The following TPO variants were observed in gnomAD, a reference collection of about 807,000 sequenced individuals.
TPO encodes the protein thyroid microsomal antigen.
In TPO, 78 loss-of-function variants were observed where a neutral mutation model predicts 96.9. The ratio of observed to expected loss-of-function variants is 0.81; its 90% confidence interval spans 0.67 to 0.97. The LOEUF (loss-of-function observed/expected upper bound fraction) is 0.97. Ranked by LOEUF, TPO falls within the 50% of genes least tolerant of loss-of-function variation. The probability of loss-of-function intolerance (pLI) is 0.00; values close to 1 mark genes in which losing one functional copy is unlikely to be tolerated. For synonymous variants in TPO, 547 were observed against 538.0 expected (o/e 1.02, Z -0.23); for missense variants, 1,252 against 1,274.8 (o/e 0.98, Z 0.27).
At chr2:1,512,664 C>T (rs543844189) in intron 14 of TPO, among the ~76,000 whole-genome samples, 1 of 152,216 alleles carries the variant, frequency 6.6e-6, no homozygotes, top group Non-Finnish European at 1.5e-5. Context: ...CGACAGCTGC[C>T]GTGTACCTCC....
intron 5 of TPO, among the ~76,000 whole-genome samples, chr2:1,445,590 G>C (rs1410292239): frequency 4.1e-5 from 6 of 145,752 alleles, no homozygotes; most frequent in Non-Finnish European, 9.0e-5. Flanking sequence ...TTGTTTGTAT[G>C]ATCCAGTCAT....
intron 14 of TPO, among the ~76,000 whole-genome samples, chr2:1,513,099 C>A (rs954309844): frequency 7.2e-5 from 11 of 152,200 alleles, no homozygotes; most frequent in African/African-American, 2.2e-4. Flanking sequence ...AGCAGGCCAG[C>A]AGGACCCAGC....
chr2:1,475,645 G>C (rs578116948), intron 7 of TPO, among the ~76,000 whole-genome samples: 2 of 152,118 alleles, frequency 1.3e-5, no homozygotes, highest in Non-Finnish European at 2.9e-5. Flanking sequence ...GGATGGTCTC[G>C]ATCTCCTGAC....
chr2:1,476,159 A>G (rs1237459335), intron 7 of TPO, among the ~76,000 whole-genome samples: 1 of 152,202 alleles, frequency 6.6e-6, no homozygotes, highest in African/African-American at 2.4e-5. Flanking sequence ...TTCACTGGTA[A>G]TAATAATGTC....
At chr2:1,501,322 C>A (rs111994394) in intron 13 of TPO, among the ~76,000 whole-genome samples, 4,761 of 152,308 alleles carry the variant, frequency 0.031, 89 homozygotes, top group Non-Finnish European at 0.048. Context: ...AGAGCCTCGG[C>A]CTCCATGCAG....
chr2:1,399,752 T>G (rs1324840664), intron 1 of TPO, among the ~76,000 whole-genome samples: 1 of 152,218 alleles, frequency 6.6e-6, no homozygotes, highest in Non-Finnish European at 1.5e-5. Context: ...GTGGCCTCAA[T>G]CTGCCTTCCT....
chr2:1,424,437 C>A (rs1664111792), intron 3 of TPO, among the ~76,000 whole-genome samples: 1 of 152,162 alleles, frequency 6.6e-6, no homozygotes, highest in Admixed American at 6.5e-5. Flanking sequence ...CCTGACCCAG[C>A]TTTTCAGGCT....
chr2:1,489,386 TCTC>T (rs924820201), intron 10 of TPO, among the ~76,000 whole-genome samples: 24 of 152,302 alleles, frequency 1.6e-4, no homozygotes, highest in African/African-American at 4.6e-4. Context: ...CACAGCTTGA[TCTC>T]CTCATGTTCC....
intron 8 of TPO, among the ~76,000 whole-genome samples, chr2:1,482,549 G>A (rs1670748134): frequency 1.3e-5 from 2 of 152,214 alleles, no homozygotes; most frequent in South Asian, 4.1e-4. Flanking sequence ...CTCACAGTAT[G>A]GCGTCTGCCC....
intron 7 of TPO, among the ~76,000 whole-genome samples, chr2:1,459,450 A>T (rs1668202375): frequency 6.6e-6 from 1 of 152,108 alleles, no homozygotes; most frequent in Non-Finnish European, 1.5e-5. Context: ...GTGCTCAGCC[A>T]ACAAGGGACA....
At chr2:1,414,557 T>C in intron 2 of TPO, 55 bp downstream of exon 2, 2 of 1,531,502 alleles carry the variant, frequency 1.3e-6, no homozygotes, top group Middle Eastern at 1.7e-4. Context: ...TTTTCACACT[T>C]ACTAAAATAG....
rs1195213726 is a variant in TPO, at chr2:1,524,428, ACCC to A, written c.2618+7451_2618+7453del. 2.3e-4 allele frequency among the ~76,000 whole-genome samples: 5 copies of A among 22,076 alleles called. No homozygotes were observed. The Admixed American group carries it at 3.3e-3, about 15-fold the overall frequency. 14.5% of individuals were successfully genotyped at this position (22,076 alleles called of 152,430 possible). ...CCAACTTTCCCTCCCATTGTGTGCA[ACCC>A]CCCCAAATCCCCCCACTGTGTGCAA... On this transcript the variant is annotated intron_variant, in intron 15 of 16. Coordinates refer to ENST00000329066, the MANE Select transcript of TPO (RefSeq NM_001206744.2).
chr2:1,456,337 C>A (rs185037781), intron 7 of TPO, 55 bp downstream of exon 7: 2 of 1,568,450 alleles, frequency 1.3e-6, no homozygotes, highest in African/African-American at 1.4e-5. Flanking sequence ...CTATTTAAAA[C>A]GTCAAACAGA....
At chr2:1,512,866 A>G (rs1453388298) in intron 14 of TPO, among the ~76,000 whole-genome samples, 9 of 152,130 alleles carry the variant, frequency 5.9e-5, no homozygotes, top group Non-Finnish European at 1.5e-5. Flanking sequence ...TGCTTCCCCC[A>G]CCACCAGCAC....
intron 1 of TPO, among the ~76,000 whole-genome samples, chr2:1,376,547 G>A (rs555203738): frequency 1.1e-4 from 16 of 152,252 alleles, no homozygotes; most frequent in African/African-American, 2.9e-4. Flanking sequence ...GAGCACCAGC[G>A]TGGGGCTGAG....
intron 7 of TPO, among the ~76,000 whole-genome samples, chr2:1,475,969 G>GCGCC (rs1553314640): frequency 9.5e-6 from 1 of 105,370 alleles, no homozygotes; most frequent in African/African-American, 3.4e-5. Flanking sequence ...TGCACCTCCT[G>GCGCC]TGCCTGGGTC....
At chr2:1,446,812 T>G (rs986223523) in intron 5 of TPO, among the ~76,000 whole-genome samples, 1 of 152,218 alleles carries the variant, frequency 6.6e-6, no homozygotes, top group African/African-American at 2.4e-5. Flanking sequence ...ATTACTTATT[T>G]CATGGAAAGA....
At chr2:1,541,138 T>G (rs753565032) in intron 16 of TPO, 2 of 1,184,270 alleles carry the variant, frequency 1.7e-6, no homozygotes, top group African/African-American at 1.6e-5. Flanking sequence ...TTACCTTGTA[T>G]GCAGAACCCC....
At chr2:1,406,359 C>T (rs1352991188) in intron 1 of TPO, among the ~76,000 whole-genome samples, 1 of 152,188 alleles carries the variant, frequency 6.6e-6, no homozygotes, top group Non-Finnish European at 1.5e-5. Flanking sequence ...TTTATTTTTC[C>T]AGGGCACCTG....
Sources: gnomAD v4.1 joint callset for allele counts (sites outside exome capture counted in the v4.1 genomes callset) on GRCh38, gnomAD v4.1.1 for gene constraint, MANE v1.5 for transcripts, NCBI Gene and HGNC (gene_info 2026-07-23, HGNC 2026-07-21) for gene names.